The following NPAS3 variants were observed in gnomAD, a reference collection of about 807,000 sequenced individuals.
NPAS3 encodes the protein neuronal PAS domain protein 3, also known as neuronal PAS domain-containing protein 3.
In NPAS3, 14 loss-of-function variants were observed where a neutral mutation model predicts 73.1. The observed-to-expected ratio is 0.19, with a 90% CI of 0.13 to 0.30. NPAS3 has a LOEUF of 0.30. NPAS3 is among the 10% of genes least tolerant of loss of function. NPAS3 has a pLI of 1.00. For synonymous variants in NPAS3, 620 were observed against 541.5 expected, an observed-to-expected ratio of 1.14 and a Z score of -2.01; for missense variants, 1,096 against 1,250.0, an observed-to-expected ratio of 0.88 and a Z score of 1.86.
intron 2 of NPAS3, among the ~76,000 whole-genome samples, chr14:33,197,162 C>T (rs2046387447): frequency 6.6e-6 from 1 of 151,740 alleles, no homozygotes; most frequent in African/African-American, 2.4e-5. Context: ...ATACACCATT[C>T]CTTACTGTAT....
At chr14:33,634,595 T>A (rs1355385242) in intron 5 of NPAS3, among the ~76,000 whole-genome samples, 2 of 152,000 alleles carry the variant, frequency 1.3e-5, no homozygotes, top group Non-Finnish European at 2.9e-5. Flanking sequence ...AATCAGAGAA[T>A]TATGAAGGCA....
chr14:33,096,772 G>GTAACCTTCTA (rs1256869985), intron 2 of NPAS3, among the ~76,000 whole-genome samples: 1 of 152,174 alleles, frequency 6.6e-6, no homozygotes, highest in East Asian at 1.9e-4. Flanking sequence ...GAATGTTCCA[G>GTAACCTTCTA]TAACCTTCTA....
intron 6 of NPAS3, among the ~76,000 whole-genome samples, chr14:33,682,499 C>A (rs1404094619): frequency 6.6e-6 from 1 of 152,192 alleles, no homozygotes; most frequent in Non-Finnish European, 1.5e-5. Flanking sequence ...TGGGTGCACT[C>A]CAAAAGCAAG....
At chr14:33,720,386 G>A (rs2061074144) in intron 6 of NPAS3, among the ~76,000 whole-genome samples, 1 of 152,170 alleles carries the variant, frequency 6.6e-6, no homozygotes, top group African/African-American at 2.4e-5. Flanking sequence ...TTGTTATCCA[G>A]GAACGTATAA....
At chr14:33,758,824 AAT>A in intron 7 of NPAS3, among the ~76,000 whole-genome samples, 1 of 152,240 alleles carries the variant, frequency 6.6e-6, no homozygotes, top group East Asian at 1.9e-4. Flanking sequence ...ACTACCATCT[AAT>A]TTCCTTGTTG....
intron 2 of NPAS3, among the ~76,000 whole-genome samples, chr14:33,123,439 T>C (rs1286113465): frequency 1.3e-5 from 2 of 152,094 alleles, no homozygotes; most frequent in African/African-American, 4.8e-5. Context: ...AGCTGTCCCA[T>C]CCTTTCAGTG....
intron 6 of NPAS3, among the ~76,000 whole-genome samples, chr14:33,723,739 G>A (rs182165910): frequency 2.7e-4 from 40 of 149,780 alleles, no homozygotes; most frequent in Non-Finnish European, 4.6e-4. Flanking sequence ...GAAAAGAAAA[G>A]AAAAAAGAAA....
At chr14:33,627,946 A>G (rs970269136) in intron 5 of NPAS3, among the ~76,000 whole-genome samples, 1 of 152,242 alleles carries the variant, frequency 6.6e-6, no homozygotes, top group Admixed American at 6.5e-5. Context: ...TTTATTGGCC[A>G]TCAGAGACTC....
chr14:33,798,972 C>G (rs1566554211), intron 11 of NPAS3, among the ~76,000 whole-genome samples: 1 of 56,264 alleles, frequency 1.8e-5, no homozygotes. Context: ...AAGACCCTGT[C>G]TCTACAAAAA....
chr14:33,049,852 G>A (rs1016952624), intron 1 of NPAS3, among the ~76,000 whole-genome samples: 1 of 152,228 alleles, frequency 6.6e-6, no homozygotes, highest in Admixed American at 6.5e-5. Flanking sequence ...CAGAGGAATA[G>A]AAAGCAGGAC....
At chr14:33,591,047 AC>A (rs1183424153) in intron 5 of NPAS3, among the ~76,000 whole-genome samples, 1 of 152,108 alleles carries the variant, frequency 6.6e-6, no homozygotes, top group East Asian at 1.9e-4. Context: ...TTCCTACCAC[AC>A]ACGTTGTGGA....
At chr14:33,264,335 T>C (rs552202680) in intron 3 of NPAS3, among the ~76,000 whole-genome samples, 6 of 152,026 alleles carry the variant, frequency 3.9e-5, no homozygotes, top group Non-Finnish European at 8.8e-5. Flanking sequence ...GATGAGTTAA[T>C]GGGTGCAGCA....
chr14:33,617,414 T>G (rs2057952394), intron 5 of NPAS3, among the ~76,000 whole-genome samples: 1 of 152,080 alleles, frequency 6.6e-6, no homozygotes, highest in South Asian at 2.1e-4. Context: ...GAGAGGAAAT[T>G]TAGGTGGGGG....
At chr14:33,189,644 CA>C (rs1277564505) in intron 2 of NPAS3, among the ~76,000 whole-genome samples, 10 of 152,140 alleles carry the variant, frequency 6.6e-5, no homozygotes, top group Non-Finnish European at 4.4e-5. Context: ...ATGTTAGTGA[CA>C]AAAAGCCTAA....
intron 6 of NPAS3, among the ~76,000 whole-genome samples, chr14:33,724,644 A>C (rs1199827921): frequency 6.6e-6 from 1 of 152,126 alleles, no homozygotes; most frequent in Non-Finnish European, 1.5e-5. Flanking sequence ...AAAAACAACA[A>C]AAAATGCATA....
At chr14:33,277,573 A>T (rs1484287056) in intron 3 of NPAS3, among the ~76,000 whole-genome samples, 1 of 152,162 alleles carries the variant, frequency 6.6e-6, no homozygotes, top group African/African-American at 2.4e-5. Flanking sequence ...GACATTTTTG[A>T]TGGGATGCCA....
intron 3 of NPAS3, among the ~76,000 whole-genome samples, chr14:33,358,122 A>G (rs1203273166): frequency 6.6e-6 from 1 of 152,196 alleles, no homozygotes; most frequent in Non-Finnish European, 1.5e-5. Context: ...AGTGCACTTC[A>G]GAACACGGAG....
At chr14:33,481,116 G>A (rs1222523819) in intron 4 of NPAS3, among the ~76,000 whole-genome samples, 1 of 152,144 alleles carries the variant, frequency 6.6e-6, no homozygotes, top group African/African-American at 2.4e-5. Flanking sequence ...TGGCGAATAA[G>A]AATGAAAAAG....
chr14:32,940,516 G>A (rs1010754203), intron 1 of NPAS3, among the ~76,000 whole-genome samples: 1 of 152,212 alleles, frequency 6.6e-6, no homozygotes, highest in African/African-American at 2.4e-5. Context: ...CTCCGAAGAG[G>A]AAAGGCGCAG....
Sources: gnomAD v4.1 joint callset for allele counts (sites outside exome capture counted in the v4.1 genomes callset) on GRCh38, gnomAD v4.1.1 for gene constraint, MANE v1.5 for transcripts, NCBI Gene and HGNC (gene_info 2026-07-23, HGNC 2026-07-21) for gene names.